The following PLXNA4 variants were observed in gnomAD, a reference collection of about 807,000 sequenced individuals.
The protein encoded by PLXNA4 is plexin A4.
Under a neutral mutation model 191.8 loss-of-function variants are expected in PLXNA4, and 44 were observed. The observed-to-expected ratio is 0.23, with a 90% CI of 0.18 to 0.29. The LOEUF is 0.29. Ranked by LOEUF, PLXNA4 falls within the 10% of genes least tolerant of loss-of-function variation. PLXNA4 has a pLI of 1.00. For missense variants in PLXNA4, 1,800 were observed against 2,488.8 expected, an observed-to-expected ratio of 0.72 and a Z score of 5.89; for synonymous variants, 1,082 against 1,009.5, an observed-to-expected ratio of 1.07 and a Z score of -1.36.
intron 3 of PLXNA4, among the ~76,000 whole-genome samples, chr7:132,370,872 G>T (rs576810258): frequency 9.8e-5 from 15 of 152,292 alleles, no homozygotes; most frequent in Non-Finnish European, 1.9e-4. Context: ...AGGAGTCGAC[G>T]ACTCACTTTT....
chr7:132,233,797 GC>G (rs1239060346), intron 5 of PLXNA4, among the ~76,000 whole-genome samples: 7 of 152,226 alleles, frequency 4.6e-5, no homozygotes, highest in Admixed American at 4.6e-4. Context: ...GCCATGTTCT[GC>G]CCTGGGTCCC....
At chr7:132,146,079 C>CAAAAAAAAAAAAAAAAAAAAAAAAAA (rs67412588) in intron 28 of PLXNA4, among the ~76,000 whole-genome samples, 1 of 48,920 alleles carries the variant, frequency 2.0e-5, no homozygotes, top group Non-Finnish European at 3.5e-5. Context: ...GACTCTGTCT[C>CAAAAAAAAAAAAAAAAAAAAAAAAAA]AAAAAAAAAA....
intron 3 of PLXNA4, among the ~76,000 whole-genome samples, chr7:132,420,060 G>T (rs929615196): frequency 2.0e-5 from 3 of 152,154 alleles, no homozygotes; most frequent in Non-Finnish European, 4.4e-5. Flanking sequence ...GCAGCATGTT[G>T]CCAGTCCTTC....
intron 3 of PLXNA4, among the ~76,000 whole-genome samples, chr7:132,418,353 G>A (rs1794734216): frequency 6.6e-6 from 1 of 152,148 alleles, no homozygotes; most frequent in Admixed American, 6.5e-5. Flanking sequence ...AGTTGTGATT[G>A]CTCCTGTTTT....
chr7:132,504,204 C>T (rs1477929819), intron 2 of PLXNA4, among the ~76,000 whole-genome samples: 1 of 152,272 alleles, frequency 6.6e-6, no homozygotes, highest in Admixed American at 6.5e-5. Context: ...GCAGGTTCTA[C>T]CCCAACGGCC....
chr7:132,527,761 G>T (rs1170051809), intron 1 of PLXNA4, among the ~76,000 whole-genome samples: 1 of 152,036 alleles, frequency 6.6e-6, no homozygotes, highest in African/African-American at 2.4e-5. Context: ...CATGCCACCT[G>T]CCAGCATACT....
At chr7:132,276,442 C>A (rs899811402) in intron 4 of PLXNA4, among the ~76,000 whole-genome samples, 1 of 152,028 alleles carries the variant, frequency 6.6e-6, no homozygotes, top group African/African-American at 2.4e-5. Flanking sequence ...CTGCAATGAC[C>A]CCCCCTTTCC....
chr7:132,357,439 A>G (rs1863015), intron 3 of PLXNA4, among the ~76,000 whole-genome samples: 76,654 of 152,112 alleles, frequency 0.5, 21,491 homozygotes, highest in African/African-American at 0.76. Flanking sequence ...TCTTGTCCAC[A>G]TTCTCAGCCA....
intron 25 of PLXNA4, among the ~76,000 whole-genome samples, chr7:132,148,883 C>G (rs1421894595): frequency 6.6e-6 from 1 of 152,182 alleles, no homozygotes; most frequent in African/African-American, 2.4e-5. Flanking sequence ...CATCACTTAT[C>G]CACCCTTGCC....
At chr7:132,135,373 A>G (rs948444160) in intron 30 of PLXNA4, among the ~76,000 whole-genome samples, 4 of 152,302 alleles carry the variant, frequency 2.6e-5, no homozygotes, top group African/African-American at 9.6e-5. Flanking sequence ...AAAGGACACA[A>G]CTGTCATCAA....
At chr7:132,384,871 T>C in intron 3 of PLXNA4, 2 of 1,189,018 alleles carry the variant, frequency 1.7e-6, no homozygotes, top group Non-Finnish European at 2.1e-6. Context: ...GAGATAACTA[T>C]ATTCCGATGG....
chr7:132,354,294 G>A (rs1333180667), intron 3 of PLXNA4, among the ~76,000 whole-genome samples: 1 of 152,130 alleles, frequency 6.6e-6, no homozygotes, highest in African/African-American at 2.4e-5. Flanking sequence ...GTGAACTCAC[G>A]GTACTCACAA....
chr7:132,255,310 G>T (rs1438549425), intron 4 of PLXNA4, among the ~76,000 whole-genome samples: 5 of 152,150 alleles, frequency 3.3e-5, no homozygotes, highest in Non-Finnish European at 7.3e-5. Flanking sequence ...CCACTTAAGA[G>T]CTTGGTCAGG....
At position 132,497,141 on chromosome 7, in the gene PLXNA4, CACAT is replaced by C. The variant is rs1489883547; in HGVS notation, c.1189-7671_1189-7668del. The stretch of plus-strand genomic sequence containing the variant: ...ACGCACGCACACACACACACACACA[CACAT>C]ACACATATCCTGGTTGCTGACCATA... On this transcript the variant is annotated intron_variant, in intron 2 of 31. Coordinates refer to ENST00000321063, the MANE Select transcript of PLXNA4 (RefSeq NM_020911.2). 3.3e-5 allele frequency among the ~76,000 whole-genome samples: 5 copies of C among 151,978 alleles called. No individual in the cohort carries two copies. In the South Asian group the frequency reaches 8.3e-4, roughly 25 times the overall value.
chr7:132,429,114 G>A (rs868633851), intron 3 of PLXNA4, among the ~76,000 whole-genome samples: 3 of 152,078 alleles, frequency 2.0e-5, no homozygotes, highest in East Asian at 1.9e-4. Flanking sequence ...ACAGAACCAC[G>A]TCCCCCTTCA....
intron 20 of PLXNA4, among the ~76,000 whole-genome samples, chr7:132,176,499 T>C (rs1202643624): frequency 1.3e-5 from 2 of 152,162 alleles, no homozygotes; most frequent in African/African-American, 2.4e-5. Context: ...CATGGGCACT[T>C]GTCTGAGTGT....
Position 132,257,387 on chromosome 7 carries a change from G to C in PLXNA4, c.1504-16221C>G, listed in dbSNP as rs1457428286. Among the ~76,000 whole-genome samples, 7 of 152,178 alleles carry C rather than the reference G, an allele frequency of 4.6e-5. No homozygotes were observed. In the East Asian group the frequency reaches 1.3e-3, roughly 29 times the overall value. ...TACATGACACACATCTCCAAATAAGGCTCTCTATCATCTGGGGCCTGGCAA... is the reference window on the plus strand; with the variant it reads ...TACATGACACACATCTCCAAATAAGCCTCTCTATCATCTGGGGCCTGGCAA... On this transcript the variant is annotated intron_variant, in intron 4 of 31. Transcript: ENST00000321063.
chr7:132,543,674 C>CA (rs1305391174), intron 1 of PLXNA4, among the ~76,000 whole-genome samples: 1 of 152,146 alleles, frequency 6.6e-6, no homozygotes, highest in African/African-American at 2.4e-5. Flanking sequence ...AGGCCAGTTC[C>CA]AAAACATGGA....
chr7:132,581,233 T>C (rs1802397012), upstream of PLXNA4, among the ~76,000 whole-genome samples: 1 of 152,160 alleles, frequency 6.6e-6, no homozygotes, highest in Non-Finnish European at 1.5e-5. Flanking sequence ...AAAGGAGAAG[T>C]GACTGCCTTT....
Sources: allele counts gnomAD v4.1 joint callset (sites outside exome capture counted in the v4.1 genomes callset), GRCh38; gene constraint gnomAD v4.1.1; transcripts MANE v1.5; gene names NCBI Gene and HGNC (gene_info 2026-07-23, HGNC 2026-07-21).